EP300: variants seen among roughly 807,000 people sequenced by gnomAD.
The protein encoded by EP300 is histone acetyltransferase p300.
EP300 carries 31 observed loss-of-function variants against 264.0 expected under a neutral mutation model. The observed-to-expected ratio is 0.12, with a 90% CI of 0.09 to 0.16. The LOEUF (loss-of-function observed/expected upper bound fraction) is 0.16, where lower values mean the gene tolerates loss of function less well. Ranked by LOEUF, EP300 falls within the 10% of genes least tolerant of loss-of-function variation. EP300 has a pLI of 1.00. For synonymous variants in EP300, 1,340 were observed against 1,045.4 expected (o/e 1.28, Z -5.44); for missense variants, 2,766 against 3,052.9 (o/e 0.91, Z 2.21).
At chr22:41,167,574 GTGTGTGTGTGTATATATATATATATATA>G (rs1434052641) in intron 23 of EP300, among the ~76,000 whole-genome samples, 10 of 29,184 alleles carry the variant, frequency 3.4e-4, no homozygotes, top group African/African-American at 1.3e-3. Context: ...GTGTGTGTGT[GTGTGTGTGTGTATATATATATATATATA>G]TATATATATA....
rs199653514 is a variant in EP300 at position 41,117,661 on chromosome 22, A to G, written c.569A>G (p.Gln190Arg). 2.5e-6 allele frequency: 4 copies of G among 1,614,238 alleles called. No homozygotes were observed. Among genetic ancestry groups the G allele is most frequent in the Non-Finnish European group, 3.4e-6 (4 of 1,180,042 alleles). Residue 190 changes from glutamine (Q) to arginine (R), a missense_variant, in exon 2 of 31, where the codon CAA (glutamine) becomes CGA (arginine). Coordinates refer to ENST00000263253, the MANE Select transcript of EP300 (RefSeq NM_001429.4). ...AATGGACAAGGGATAATGCCTAATC[A>G]AGTCATGAACGGTTCAATTGGAGCA... ...AGNGQGIMPN[Q>R]VMNGSIGAGR...
chr22:41,177,228 T>C lies in EP300; in HGVS notation c.5517T>C (p.Gly1839=). The change falls in exon 31 of 31, where the codon GGT becomes GGC. Residue 1839 remains glycine, a synonymous_variant. Transcript: ENST00000263253. ...GGATGGCCAGCATGCAGCGGACTGG[T>C]GTGGTTGGGCAGCAACAGGGCCTCC... ...RRRMASMQRT[G]VVGQQQGLPS... The C allele has an allele frequency of 6.2e-7, 1 of 1,613,950 alleles. No individual in the cohort carries two copies.
intron 7 of EP300, among the ~76,000 whole-genome samples, chr22:41,136,176 C>T (rs1193104824): frequency 6.6e-6 from 1 of 152,212 alleles, no homozygotes; most frequent in African/African-American, 2.4e-5. Flanking sequence ...CAGGAACACA[C>T]CACCATGCCC....
chr22:41,170,769 C>T (rs546021984), intron 27 of EP300, among the ~76,000 whole-genome samples, 198 bp downstream of exon 27: 2 of 141,168 alleles, frequency 1.4e-5, no homozygotes, highest in African/African-American at 5.2e-5. Flanking sequence ...TCATGCCATT[C>T]TCCTGCCTCA....
intron 2 of EP300, among the ~76,000 whole-genome samples, chr22:41,123,398 T>A (rs943650113): frequency 6.6e-6 from 1 of 152,200 alleles, no homozygotes; most frequent in Non-Finnish European, 1.5e-5. Context: ...TCATAAAGGC[T>A]TTGGTATACG....
At chr22:41,173,875 G>A (rs890736462) in intron 29 of EP300, 91 bp downstream of exon 29, 25 of 1,507,738 alleles carry the variant, frequency 1.7e-5, no homozygotes, top group Non-Finnish European at 2.2e-5. Flanking sequence ...ACTTTGGGAG[G>A]CCAAGGCGGG....
intron 23 of EP300, among the ~76,000 whole-genome samples, 200 bp downstream of exon 23, chr22:41,166,866 G>A (rs1007958192): frequency 6.6e-6 from 1 of 152,196 alleles, no homozygotes; most frequent in African/African-American, 2.4e-5. Flanking sequence ...TCCAAGGAAC[G>A]GATTTGTAGA....
At chr22:41,124,618 A>T (rs2058870357) in intron 2 of EP300, among the ~76,000 whole-genome samples, 1 of 152,278 alleles carries the variant, frequency 6.6e-6, no homozygotes, top group East Asian at 1.9e-4. Context: ...GCAACATGGC[A>T]AGACCCTGTC....
Position 41,178,069 on chromosome 22 carries a change from G to T in EP300, c.6358G>T (p.Gly2120Cys), listed in dbSNP as rs886057567. The change falls in exon 31 of 31, where the codon GGT becomes TGT. Residue 2120 changes from glycine to cysteine, a missense_variant. Physicochemically the swap from Gly to Cys is radical, Grantham distance 159. Transcript: ENST00000263253. ...AGGGCTACAGCCACCTACCATGCCA[G>T]GTCAGCAGGGGGTCCACTCCAATCC... is the stretch of plus-strand genomic sequence containing the variant. ...QPGLQPPTMP[G>C]QQGVHSNPAM... 2 of 1,614,160 alleles carry T rather than the reference G, an allele frequency of 1.2e-6. No homozygotes were observed. Among genetic ancestry groups the T allele is most frequent in the Non-Finnish European group, 1.7e-6 (2 of 1,180,024 alleles).
intron 1 of EP300, among the ~76,000 whole-genome samples, chr22:41,095,510 G>T (rs948616582): frequency 6.6e-6 from 1 of 151,682 alleles, no homozygotes; most frequent in Non-Finnish European, 1.5e-5. Flanking sequence ...GGGGTTACAG[G>T]TATGAGCCGC....
At chr22:41,131,342 T>C (rs779956301) in intron 5 of EP300, 46 bp from the exon 6 acceptor site, 2 of 1,603,792 alleles carry the variant, frequency 1.2e-6, no homozygotes, top group Admixed American at 1.7e-5. Context: ...GTCTTTTTTT[T>C]CTCACCAGCA....
intron 19 of EP300, chr22:41,159,249 C>T (rs1011816335): frequency 5.3e-5 from 8 of 152,092 alleles, no homozygotes; most frequent in African/African-American, 1.7e-4. Flanking sequence ...GATATTAATA[C>T]CCTTTATTTG....
chr22:41,145,432 T>C (rs1380596917), intron 10 of EP300, among the ~76,000 whole-genome samples: 1 of 152,184 alleles, frequency 6.6e-6, no homozygotes, highest in Non-Finnish European at 1.5e-5. Context: ...CAGCAGGTCT[T>C]CCTCTCCTAT....
intron 26 of EP300, 101 bp downstream of exon 26, chr22:41,169,717 C>G: frequency 1.3e-6 from 1 of 741,694 alleles, no homozygotes. Context: ...CCTTTTTTTC[C>G]TCATTTTAGT....
At position 41,176,779 on chromosome 22, in the gene EP300, G is replaced by T; in HGVS notation, c.5068G>T (p.Asp1690Tyr). Reference protein sequence around the residue: ...RWHCTVCEDYDLCITCYNTKN... With the variant: ...RWHCTVCEDYYLCITCYNTKN... ...CCTCCTGTTTTTTCCCTAGGATTAT[G>T]ACTTGTGTATCACCTGCTATAACAC... The change falls in exon 31 of 31, where the codon GAC becomes TAC. Residue 1690 changes from aspartate (D) to tyrosine (Y), a missense_variant. Physicochemically the swap from Asp to Tyr is radical, Grantham distance 160 (BLOSUM62 -3). Transcript: ENST00000263253. 3 of 1,613,906 alleles carry T rather than the reference G, an allele frequency of 1.9e-6. No individual in the cohort carries two copies. The South Asian group carries it at 3.3e-5, about 18-fold the overall frequency.
intron 2 of EP300, among the ~76,000 whole-genome samples, chr22:41,119,182 T>TATTAA (rs2058838648): frequency 7.5e-6 from 1 of 133,518 alleles, no homozygotes; most frequent in Non-Finnish European, 1.6e-5. Context: ...ATTATTTTTT[T>TATTAA]TTTTTTTTTT....
At chr22:41,097,193 G>A (rs2058707175) in intron 1 of EP300, among the ~76,000 whole-genome samples, 1 of 152,170 alleles carries the variant, frequency 6.6e-6, no homozygotes, top group Non-Finnish European at 1.5e-5. Context: ...GGCCTTGTAA[G>A]TTCATTTATA....
At chr22:41,130,342 C>T (rs540713313) in intron 5 of EP300, among the ~76,000 whole-genome samples, 2 of 151,910 alleles carry the variant, frequency 1.3e-5, no homozygotes, top group Non-Finnish European at 2.9e-5. Flanking sequence ...AGAGGATTCC[C>T]AGGAGTTCAA....
intron 1 of EP300, among the ~76,000 whole-genome samples, chr22:41,116,710 A>G (rs2058823486): frequency 1.3e-5 from 2 of 152,260 alleles, no homozygotes; most frequent in Non-Finnish European, 2.9e-5. Context: ...ATATCCCCTC[A>G]ATTTAAAAAA....
Sources: gnomAD v4.1 joint callset for allele counts (sites outside exome capture counted in the v4.1 genomes callset) on GRCh38, gnomAD v4.1.1 for gene constraint, MANE v1.5 for transcripts, NCBI Gene and HGNC (gene_info 2026-07-23, HGNC 2026-07-21) for gene names.